Variants in CLYBL observed in about 807,000 individuals in gnomAD.
The protein encoded by CLYBL is citramalyl-CoA lyase, mitochondrial.
In CLYBL, 31 loss-of-function variants were observed where a neutral mutation model predicts 38.9. The observed-to-expected ratio is 0.80, with a 90% confidence interval of 0.60 to 1.08. CLYBL has a LOEUF of 1.08. Ranked by LOEUF, CLYBL falls within the 50% of genes least tolerant of loss-of-function variation. The probability of loss-of-function intolerance (pLI) is 0.00; values close to 1 mark genes in which losing one functional copy is unlikely to be tolerated. For missense variants in CLYBL, 434 were observed against 411.6 expected, an observed-to-expected ratio of 1.05 and a Z score of -0.47; for synonymous variants, 171 against 158.6, an observed-to-expected ratio of 1.08 and a Z score of -0.59.
intron 1 of CLYBL, among the ~76,000 whole-genome samples, chr13:99,680,564 G>A (rs898359272): frequency 6.6e-6 from 1 of 152,156 alleles, no homozygotes; most frequent in Non-Finnish European, 1.5e-5. Context: ...CCTCAATCCA[G>A]AACCCAGAGT....
chr13:99,718,357 T>G (rs1315330029), intron 1 of CLYBL, among the ~76,000 whole-genome samples: 1 of 148,376 alleles, frequency 6.7e-6, no homozygotes, highest in Non-Finnish European at 1.5e-5. Context: ...TAACCTCCCC[T>G]GATAGATTAA....
Position 99,694,393 on chromosome 13 carries a change from G to C in CLYBL, c.63-78431G>C, listed in dbSNP as rs372002342. On this transcript the variant is annotated intron_variant, in intron 1 of 8. Transcript: ENST00000339105. The stretch of plus-strand genomic sequence containing the variant: ...GCGTGCGTTTTCCTTCCCCAAGTCT[G>C]TGTTGGGGACTTCCGCAGACACAGC... 4.6e-5 allele frequency among the ~76,000 whole-genome samples: 7 copies of C among 152,228 alleles called. No homozygotes were observed. In the East Asian group the frequency reaches 1.2e-3, roughly 25 times the overall value.
At chr13:99,673,092 A>C (rs1305178473) in intron 1 of CLYBL, among the ~76,000 whole-genome samples, 2 of 152,152 alleles carry the variant, frequency 1.3e-5, no homozygotes, top group Non-Finnish European at 2.9e-5. Flanking sequence ...AATTTTAGAA[A>C]GTGTCCAGTG....
At chr13:99,795,612 C>G (rs944446106) in intron 2 of CLYBL, among the ~76,000 whole-genome samples, 1 of 152,100 alleles carries the variant, frequency 6.6e-6, no homozygotes, top group African/African-American at 2.4e-5. Flanking sequence ...CATGATCATG[C>G]CACCAAACTC....
intron 1 of CLYBL, among the ~76,000 whole-genome samples, chr13:99,762,549 C>A (rs1175091339): frequency 6.6e-6 from 1 of 152,122 alleles, no homozygotes; most frequent in South Asian, 2.1e-4. Context: ...TATGCGGGTA[C>A]CATGCTGATT....
At chr13:99,845,882 CT>C (rs2139143532) in intron 2 of CLYBL, among the ~76,000 whole-genome samples, 1 of 151,850 alleles carries the variant, frequency 6.6e-6, no homozygotes, top group African/African-American at 2.4e-5. Flanking sequence ...TTATATTTTT[CT>C]TTTCCTTGTT....
intron 2 of CLYBL, among the ~76,000 whole-genome samples, chr13:99,825,676 G>A (rs147205407): frequency 1.1e-4 from 16 of 152,286 alleles, no homozygotes; most frequent in Non-Finnish European, 1.5e-4. Context: ...CTCTGCACAC[G>A]CTGAGAGCAC....
chr13:99,699,787 T>A (rs1216822034), intron 1 of CLYBL, among the ~76,000 whole-genome samples: 7 of 148,682 alleles, frequency 4.7e-5, no homozygotes, highest in East Asian at 2.0e-4. Flanking sequence ...AGGTCAGGAG[T>A]TCGAGACCAT....
At chr13:99,618,271 T>A (rs1944214886) in intron 1 of CLYBL, among the ~76,000 whole-genome samples, 1 of 151,332 alleles carries the variant, frequency 6.6e-6, no homozygotes, top group Non-Finnish European at 1.5e-5. Context: ...AAAATTATCA[T>A]TTTAACTTTT....
chr13:99,839,225 G>C (rs1355799232), intron 2 of CLYBL, among the ~76,000 whole-genome samples: 1 of 152,222 alleles, frequency 6.6e-6, no homozygotes, highest in Non-Finnish European at 1.5e-5. Context: ...TATGTCCAGA[G>C]CAGGGCAACT....
intron 6 of CLYBL, among the ~76,000 whole-genome samples, chr13:99,870,539 A>G (rs943493963): frequency 7.2e-5 from 11 of 152,192 alleles, no homozygotes; most frequent in Admixed American, 6.5e-4. Context: ...ATAAAATTTG[A>G]GAGAATTCTC....
chr13:99,859,819 A>G (rs1212668986), intron 3 of CLYBL, among the ~76,000 whole-genome samples: 1 of 152,206 alleles, frequency 6.6e-6, no homozygotes, highest in Non-Finnish European at 1.5e-5. Flanking sequence ...GCAGATCTCT[A>G]CTGAATAAAA....
intron 1 of CLYBL, among the ~76,000 whole-genome samples, chr13:99,724,513 G>A (rs1048434559): frequency 6.6e-6 from 1 of 151,532 alleles, no homozygotes; most frequent in Non-Finnish European, 1.5e-5. Flanking sequence ...GCAATTAATG[G>A]CAGCTCCGAC....
At chr13:99,828,639 G>C (rs1245031326) in intron 2 of CLYBL, among the ~76,000 whole-genome samples, 1 of 152,102 alleles carries the variant, frequency 6.6e-6, no homozygotes, top group Non-Finnish European at 1.5e-5. Context: ...CTATTGCTAA[G>C]TGCGTCCCAG....
At chr13:99,906,423 T>A (rs1594258977) in intron 9 of CLYBL, among the ~76,000 whole-genome samples, 1 of 56,580 alleles carries the variant, frequency 1.8e-5, no homozygotes, top group East Asian at 4.9e-4. Flanking sequence ...CCCCCAGAGC[T>A]TTTTTGAGTT....
At chr13:99,808,499 A>C (rs199645979) in intron 2 of CLYBL, among the ~76,000 whole-genome samples, 1 of 152,072 alleles carries the variant, frequency 6.6e-6, no homozygotes, top group East Asian at 1.9e-4. Context: ...GACTTAAAAA[A>C]AAATTATAGA....
At position 99,833,031 on chromosome 13, in the gene CLYBL, T is replaced by TATATATATATA. The variant is rs57543837; in HGVS notation, c.250-25830_250-25829insATATATATATA. On this transcript the variant is annotated intron_variant, in intron 2 of 8. Coordinates refer to ENST00000339105, the MANE Select transcript of CLYBL (RefSeq NM_206808.5). ...ACATATATATATATATATATATATA[T>TATATATATATA]TTTTTTTTTTTTTTTTTTTTTTTTT... Among the ~76,000 whole-genome samples the TATATATATATA allele has an allele frequency of 4.8e-3, 101 of 20,974 alleles. 4 individuals are homozygous for TATATATATATA. Among genetic ancestry groups the TATATATATATA allele is most frequent in the East Asian group, 0.019 (7 of 366 alleles). 13.8% of individuals were successfully genotyped at this position (20,974 alleles called of 152,430 possible).
At chr13:99,877,645 C>A (rs755513381) in intron 7 of CLYBL, 2 of 312,710 alleles carry the variant, frequency 6.4e-6, no homozygotes, top group South Asian at 4.8e-5. Flanking sequence ...GGCGTGATCT[C>A]GGCTCCCTGC....
chr13:99,864,764 TC>T (rs746533473), intron 4 of CLYBL, 53 bp from the exon 5 acceptor site: 19 of 1,237,454 alleles, frequency 1.5e-5, no homozygotes, highest in Non-Finnish European at 2.0e-5. Flanking sequence ...CCGTGCCTCT[TC>T]CCTCTGACGC....
Sources: gnomAD v4.1 joint callset for allele counts (sites outside exome capture counted in the v4.1 genomes callset) on GRCh38, gnomAD v4.1.1 for gene constraint, MANE v1.5 for transcripts, NCBI Gene and HGNC (gene_info 2026-07-23, HGNC 2026-07-21) for gene names.